The following TLE4 variants were observed in gnomAD, a reference collection of about 807,000 sequenced individuals.
TLE4 encodes the protein TLE family member 4, transcriptional corepressor, also known as transducin-like enhancer protein 4.
TLE4 carries 8 observed loss-of-function variants against 92.8 expected under a neutral mutation model. That is an observed-to-expected ratio of 0.09 (90% CI 0.05 to 0.16). The LOEUF is 0.16. Among genes scored for constraint, TLE4 ranks in the 10% least tolerant of loss-of-function variants. The pLI, the probability that TLE4 is intolerant of heterozygous loss-of-function variation, is 1.00. For missense variants in TLE4, 675 were observed against 997.6 expected (o/e 0.68, Z 4.36); for synonymous variants, 371 against 374.1 (o/e 0.99, Z 0.10).
At chr9:79,680,685 G>GGGCAT (rs1369679968) in intron 8 of TLE4, among the ~76,000 whole-genome samples, 1 of 152,170 alleles carries the variant, frequency 6.6e-6, no homozygotes, top group Non-Finnish European at 1.5e-5. Flanking sequence ...TGGTGAGAGA[G>GGGCAT]GGCATCCCTG....
chr9:79,627,364 T>A lies in TLE4; in HGVS notation c.316-10T>A. The A allele has an allele frequency of 6.2e-7, 1 of 1,614,036 alleles. No homozygotes were observed. On this transcript the variant is annotated splice_polypyrimidine_tract_variant and intron_variant, in intron 5 of 19. Transcript: ENST00000376552. ...AATAATTGTATTCTGTTTCTGATCT[T>A]CATTTATAGCACCAGCAACAAGTGG... is the stretch of plus-strand genomic sequence containing the variant.
intron 2 of TLE4, 132 bp downstream of exon 2, chr9:79,573,918 C>A: frequency 2.0e-6 from 1 of 504,726 alleles, no homozygotes; most frequent in Non-Finnish European, 3.2e-6. Flanking sequence ...TCTCGGTGGG[C>A]AGAAAGGGCA....
chr9:79,717,321 G>C (rs1445816173), intron 14 of TLE4, among the ~76,000 whole-genome samples: 3 of 152,110 alleles, frequency 2.0e-5, no homozygotes, highest in Non-Finnish European at 2.9e-5. Context: ...CTTAGCCCTA[G>C]GGTCCTCTTC....
intron 8 of TLE4, among the ~76,000 whole-genome samples, chr9:79,658,463 G>A (rs891781495): frequency 2.0e-5 from 3 of 151,868 alleles, no homozygotes; most frequent in Non-Finnish European, 2.9e-5. Flanking sequence ...TTATTCTGCC[G>A]CATCTGTATT....
chr9:79,623,314 A>T lies in TLE4; in HGVS notation c.316-4060A>T, dbSNP rs899460002. Reference sequence around the variant, plus strand: ...TTGGCATGACAGGTATTCTCATCATAATACCTTCTGAGAAATATATATTAA... The same window carrying T: ...TTGGCATGACAGGTATTCTCATCATTATACCTTCTGAGAAATATATATTAA... On this transcript the variant is annotated intron_variant, in intron 5 of 19. Coordinates refer to ENST00000376552, the MANE Select transcript of TLE4 (RefSeq NM_007005.6). 3.3e-5 allele frequency among the ~76,000 whole-genome samples: 5 copies of T among 152,116 alleles called. No homozygotes were observed. In the South Asian group the frequency reaches 6.2e-4, roughly 19 times the overall value.
At chr9:79,708,311 T>G in intron 12 of TLE4, 61 bp downstream of exon 12, 2 of 1,570,990 alleles carry the variant, frequency 1.3e-6, no homozygotes, top group African/African-American at 1.4e-5. Flanking sequence ...TTAAAGCAAT[T>G]TAAGGAGTAC....
At chr9:79,596,158 C>T (rs1421998609) in intron 4 of TLE4, among the ~76,000 whole-genome samples, 3 of 152,016 alleles carry the variant, frequency 2.0e-5, no homozygotes, top group Admixed American at 2.0e-4. Context: ...TTAGTATCTA[C>T]TTAATCGAAG....
At chr9:79,639,072 C>G (rs1324609776) in intron 6 of TLE4, among the ~76,000 whole-genome samples, 3 of 152,024 alleles carry the variant, frequency 2.0e-5, no homozygotes, top group Non-Finnish European at 2.9e-5. Flanking sequence ...GAATTATCCT[C>G]CCTTCTGCAT....
At chr9:79,592,660 A>G (rs1296303929) in intron 4 of TLE4, among the ~76,000 whole-genome samples, 2 of 152,106 alleles carry the variant, frequency 1.3e-5, no homozygotes, top group African/African-American at 2.4e-5. Flanking sequence ...AATTCAATTG[A>G]TTTTTAACTT....
chr9:79,584,161 T>C (rs1458205231), intron 4 of TLE4, among the ~76,000 whole-genome samples: 1 of 152,244 alleles, frequency 6.6e-6, no homozygotes, highest in Non-Finnish European at 1.5e-5. Flanking sequence ...CTGACCATGC[T>C]GTTTCCAAAC....
intron 4 of TLE4, among the ~76,000 whole-genome samples, chr9:79,586,940 C>A (rs751369139): frequency 6.6e-6 from 1 of 152,090 alleles, no homozygotes; most frequent in East Asian, 1.9e-4. Context: ...TCAAGCATTT[C>A]CCTTTTTTTG....
intron 6 of TLE4, chr9:79,649,973 T>G (rs1305883283): frequency 1.0e-6 from 1 of 976,810 alleles, no homozygotes; most frequent in Non-Finnish European, 1.4e-6. Context: ...TGGGATGCAG[T>G]AGCACAATCA....
chr9:79,674,337 CTAAG>C (rs1382606569), intron 8 of TLE4, among the ~76,000 whole-genome samples: 1 of 150,976 alleles, frequency 6.6e-6, no homozygotes, highest in Non-Finnish European at 1.5e-5. Flanking sequence ...CACAGTGAGA[CTAAG>C]TAAGTTGCCT....
chr9:79,705,373 G>T (rs558389419), intron 9 of TLE4, among the ~76,000 whole-genome samples: 1 of 152,338 alleles, frequency 6.6e-6, no homozygotes, highest in South Asian at 2.1e-4. Flanking sequence ...TTAGTGGCTG[G>T]GCAGGTCACA....
chr9:79,668,443 T>G (rs1403627854), intron 8 of TLE4, among the ~76,000 whole-genome samples: 1 of 152,180 alleles, frequency 6.6e-6, no homozygotes, highest in Non-Finnish European at 1.5e-5. Flanking sequence ...TGTGTGTGTT[T>G]AGCAGTTTAC....
intron 4 of TLE4, among the ~76,000 whole-genome samples, chr9:79,578,238 G>C (rs754671784): frequency 1.3e-5 from 2 of 152,134 alleles, no homozygotes; most frequent in Non-Finnish European, 2.9e-5. Flanking sequence ...GTTGCCCTGC[G>C]GCATAATTGG....
At chr9:79,652,273 A>G (rs1587839323) in intron 6 of TLE4, among the ~76,000 whole-genome samples, 1 of 150,594 alleles carries the variant, frequency 6.6e-6, no homozygotes, top group Middle Eastern at 3.5e-3. Context: ...TGCAAGCTCC[A>G]CCTCCCGGGT....
intron 8 of TLE4, among the ~76,000 whole-genome samples, chr9:79,656,651 G>A (rs1251515998): frequency 2.0e-5 from 3 of 152,166 alleles, no homozygotes; most frequent in Non-Finnish European, 4.4e-5. Flanking sequence ...ATCTTATACA[G>A]CCCCAGTGGA....
At chr9:79,647,991 G>T (rs1660795059) in intron 6 of TLE4, among the ~76,000 whole-genome samples, 1 of 151,978 alleles carries the variant, frequency 6.6e-6, no homozygotes. Context: ...GTGGGTGTGT[G>T]TTGATTAGTA....
Sources: allele counts gnomAD v4.1 joint callset (sites outside exome capture counted in the v4.1 genomes callset), GRCh38; gene constraint gnomAD v4.1.1; transcripts MANE v1.5; gene names NCBI Gene and HGNC (gene_info 2026-07-23, HGNC 2026-07-21).